Variants in CADM2 observed in about 807,000 individuals in gnomAD.
The protein encoded by CADM2 is cell adhesion molecule 2, also known as immunoglobulin superfamily member 4D.
In CADM2, 12 loss-of-function variants were observed where a neutral mutation model predicts 49.8. The ratio of observed to expected loss-of-function variants is 0.24; its 90% CI spans 0.15 to 0.39. The LOEUF is 0.39. CADM2 is among the 10% of genes least tolerant of loss of function. The pLI is 1.00. For missense variants in CADM2, 378 were observed against 492.3 expected (o/e 0.77, Z 2.20); for synonymous variants, 214 against 175.4 (o/e 1.22, Z -1.74).
intron 8 of CADM2, among the ~76,000 whole-genome samples, chr3:85,982,147 T>C (rs1288910356): frequency 6.6e-6 from 1 of 151,756 alleles, no homozygotes. Flanking sequence ...GCCACACACA[T>C]GTCTGCTTTT....
chr3:85,197,980 C>T (rs2041385654), intron 1 of CADM2, among the ~76,000 whole-genome samples: 1 of 151,964 alleles, frequency 6.6e-6, no homozygotes, highest in Middle Eastern at 3.4e-3. Flanking sequence ...AAATTCTCAT[C>T]ACTGCTTACT....
intron 1 of CADM2, among the ~76,000 whole-genome samples, chr3:85,606,788 T>C (rs1576919017): frequency 6.6e-6 from 1 of 152,100 alleles, no homozygotes; most frequent in Admixed American, 6.6e-5. Flanking sequence ...ATATAAAATA[T>C]CCTGGCTTTT....
intron 2 of CADM2, among the ~76,000 whole-genome samples, chr3:85,777,944 C>T (rs1438004094): frequency 1.3e-5 from 2 of 152,078 alleles, no homozygotes; most frequent in Non-Finnish European, 2.9e-5. Context: ...CATAGGTATA[C>T]AAAATATGCA....
At chr3:85,131,978 T>TA (rs1297700748) in intron 1 of CADM2, among the ~76,000 whole-genome samples, 7 of 151,992 alleles carry the variant, frequency 4.6e-5, no homozygotes, top group Non-Finnish European at 7.4e-5. Flanking sequence ...CAGAACAAAG[T>TA]TTGAAGATGA....
chr3:85,154,010 G>A (rs1314601112), intron 1 of CADM2, among the ~76,000 whole-genome samples: 1 of 152,106 alleles, frequency 6.6e-6, no homozygotes, highest in Non-Finnish European at 1.5e-5. Context: ...AGAAAAACTG[G>A]AAACTCTAAA....
At chr3:85,536,062 C>G (rs1374909078) in intron 1 of CADM2, among the ~76,000 whole-genome samples, 1 of 151,914 alleles carries the variant, frequency 6.6e-6, no homozygotes, top group South Asian at 2.1e-4. Flanking sequence ...TTAGGGGATT[C>G]ACAGACCAGT....
At chr3:85,311,710 C>A (rs1002462811) in intron 1 of CADM2, among the ~76,000 whole-genome samples, 1 of 152,140 alleles carries the variant, frequency 6.6e-6, no homozygotes, top group Non-Finnish European at 1.5e-5. Flanking sequence ...GACTTATCAT[C>A]ATATTTGGCC....
intron 1 of CADM2, among the ~76,000 whole-genome samples, chr3:85,311,523 C>T (rs964612538): frequency 1.3e-5 from 2 of 151,826 alleles, no homozygotes; most frequent in Admixed American, 6.6e-5. Flanking sequence ...CTACAGCACC[C>T]GCCACCACCC....
chr3:85,226,937 T>C (rs2042175933), intron 1 of CADM2, among the ~76,000 whole-genome samples: 1 of 152,232 alleles, frequency 6.6e-6, no homozygotes, highest in Non-Finnish European at 1.5e-5. Context: ...TTGTGTGGTT[T>C]TGAGTGAGTT....
intron 1 of CADM2, among the ~76,000 whole-genome samples, chr3:85,085,345 A>G (rs1251494831): frequency 6.6e-6 from 1 of 152,140 alleles, no homozygotes; most frequent in Non-Finnish European, 1.5e-5. Flanking sequence ...TTCACTTAGC[A>G]TAACATCCTC....
At chr3:85,397,528 C>A (rs957584738) in intron 1 of CADM2, among the ~76,000 whole-genome samples, 8 of 152,088 alleles carry the variant, frequency 5.3e-5, no homozygotes, top group African/African-American at 1.7e-4. Flanking sequence ...TTATATAATA[C>A]AGTGGAATAT....
At chr3:85,349,041 C>T (rs1044427583) in intron 1 of CADM2, among the ~76,000 whole-genome samples, 19 of 152,098 alleles carry the variant, frequency 1.2e-4, no homozygotes, top group African/African-American at 3.4e-4. Context: ...TCTGTATAAC[C>T]CTAAATATTC....
At chr3:85,872,228 CTA>C (rs1343887376) in intron 3 of CADM2, among the ~76,000 whole-genome samples, 2 of 152,180 alleles carry the variant, frequency 1.3e-5, no homozygotes, top group African/African-American at 4.8e-5. Context: ...ACATATCACA[CTA>C]TGGATTTCCC....
At chr3:85,177,245 C>T (rs915784964) in intron 1 of CADM2, among the ~76,000 whole-genome samples, 22 of 152,208 alleles carry the variant, frequency 1.4e-4, no homozygotes, top group Non-Finnish European at 4.4e-5. Context: ...AGTAGCAACT[C>T]CTAGTACGGG....
chr3:86,015,002 G>T, intron 8 of CADM2: 1 of 1,040,800 alleles, frequency 9.6e-7, no homozygotes, highest in South Asian at 1.3e-5. Context: ...ACTTGGCTTT[G>T]CTTAACATAA....
chr3:85,472,265 G>T (rs12636028), intron 1 of CADM2, among the ~76,000 whole-genome samples: 2 of 151,486 alleles, frequency 1.3e-5, no homozygotes, highest in East Asian at 1.9e-4. Context: ...AAAATATTTT[G>T]CCAAATAAAT....
intron 1 of CADM2, chr3:85,385,833 A>C (rs1402654794): frequency 7.4e-6 from 1 of 134,730 alleles, no homozygotes; most frequent in African/African-American, 2.7e-5. Context: ...AGATGCCTTA[A>C]GATTGTATAA....
At chr3:86,044,091 C>T (rs1176386330) in intron 8 of CADM2, among the ~76,000 whole-genome samples, 1 of 152,132 alleles carries the variant, frequency 6.6e-6, no homozygotes, top group Non-Finnish European at 1.5e-5. Context: ...CATGTTAGAC[C>T]TAAAACCATA....
intron 1 of CADM2, among the ~76,000 whole-genome samples, chr3:85,134,091 G>T (rs952706715): frequency 6.6e-6 from 1 of 152,234 alleles, no homozygotes; most frequent in African/African-American, 2.4e-5. Flanking sequence ...ACCCTCCGCA[G>T]CCGCTGGCCC....
Sources: allele counts gnomAD v4.1 joint callset (sites outside exome capture counted in the v4.1 genomes callset), GRCh38; gene constraint gnomAD v4.1.1; transcripts MANE v1.5; gene names NCBI Gene and HGNC (gene_info 2026-07-23, HGNC 2026-07-21).